PAQR4: variants seen among roughly 807,000 people sequenced by gnomAD.
PAQR4 encodes progestin and adipoQ receptor family member 4, also known as progestin and adipoQ receptor family member IV.
A neutral mutation model predicts 20.9 loss-of-function variants in PAQR4; 26 were observed. The observed-to-expected ratio is 1.24, with a 90% confidence interval of 0.91 to 1.73. The LOEUF (loss-of-function observed/expected upper bound fraction) is 1.73. Among genes scored for constraint, PAQR4 ranks in the 40% most tolerant of loss-of-function variants. PAQR4 has a pLI of 0.00. For synonymous variants in PAQR4, 193 were observed against 171.6 expected (o/e 1.12, Z -0.97); for missense variants, 400 against 380.1 (o/e 1.05, Z -0.44).
In PAQR4 at chr16:2,972,953, T is replaced by C; in HGVS notation, c.*1005T>C. The C allele has an allele frequency of 6.2e-7, 1 of 1,602,088 alleles. No individual in the cohort carries two copies. The highest frequency in any genetic ancestry group is 8.5e-7 in the Non-Finnish European group (1 of 1,174,856). On this transcript the variant is annotated 3_prime_UTR_variant, in exon 3 of 3. Coordinates refer to ENST00000318782, the MANE Select transcript of PAQR4 (RefSeq NM_152341.5). ...AAAGTGCAGAGGCAGAGTCTGGGGC[T>C]CAGGTTGGGTCTAGGGTGTCCTCAA...
Position 2,971,870 on chromosome 16 carries a change from G to A in PAQR4, c.744G>A (p.Val248=). ...ACCAGATCATGCACCTGCTGAGCGT[G>A]GGCTCCATCCTGCAGCTGCACGCCG... ...NSHQIMHLLS[V]GSILQLHAGV... is the part of the protein sequence containing the mutation. The change falls in exon 3 of 3, where the codon GTG becomes GTA. Residue 248 remains valine, a synonymous_variant. Coordinates refer to ENST00000318782, the MANE Select transcript of PAQR4 (RefSeq NM_152341.5). The A allele has an allele frequency of 6.2e-7, 1 of 1,611,680 alleles. No homozygotes were observed. Among genetic ancestry groups the A allele is most frequent in the Non-Finnish European group, 8.5e-7 (1 of 1,179,876 alleles).
Position 2,972,428 on chromosome 16 carries a change from CCA to C in PAQR4, c.*481_*482del. On this transcript the variant is annotated 3_prime_UTR_variant, in exon 3 of 3. Transcript: ENST00000318782. ...GCTTGCCCGCCCTGGCTCCCTCTGC[CCA>C]GAGACTATGGAGTAAGGCATTCAGG... 1.6e-6 allele frequency: 1 copy of C among 611,590 alleles called. No individual in the cohort carries two copies. 37.9% of individuals were successfully genotyped at this position (611,590 alleles called of 1,614,324 possible). A position where few individuals can be genotyped will look rare whatever the true frequency, so the allele number is the denominator to read the frequency against.
chr16:2,969,738 A>T lies in PAQR4; in HGVS notation c.64A>T (p.Asn22Tyr), dbSNP rs756053522. Residue 22 changes from asparagine (N) to tyrosine (Y), a missense_variant, in exon 1 of 3, where the codon AAT (asparagine) becomes TAT (tyrosine). By Grantham distance (143) the Asn-to-Tyr change is moderately radical. Coordinates refer to ENST00000318782, the MANE Select transcript of PAQR4 (RefSeq NM_152341.5). ...WASSPPHLQF[N>Y]KFVLTGYRPA... ...CAGCTCGCCGCCGCACCTGCAGTTC[A>T]ATAAGTTCGTGCTGACCGGGTACCG... The T allele has an allele frequency of 1.2e-6, 2 of 1,609,610 alleles. No homozygotes were observed. Among genetic ancestry groups the T allele is most frequent in the Admixed American group, 3.3e-5 (2 of 59,862 alleles).
At position 2,973,275 on chromosome 16, in the gene PAQR4, C is replaced by A; in HGVS notation, c.*1327C>A. 1 of 1,488,560 alleles carries A rather than the reference C, an allele frequency of 6.7e-7. No homozygotes were observed. The highest frequency in any genetic ancestry group is 1.3e-5 in the South Asian group (1 of 74,580). 92.2% of individuals were successfully genotyped at this position (1,488,560 alleles called of 1,614,324 possible). On this transcript the variant is annotated 3_prime_UTR_variant, in exon 3 of 3. Coordinates refer to ENST00000318782, the MANE Select transcript of PAQR4 (RefSeq NM_152341.5). Reference sequence around the variant, plus strand: ...AGGGCTAGGGAGTGCCGGATGAAACCAGCTCTGTCCCTGTGCAGGCTCCAG... The same window carrying A: ...AGGGCTAGGGAGTGCCGGATGAAACAAGCTCTGTCCCTGTGCAGGCTCCAG...
At chr16:2,970,192 A>T (rs1486946403) in intron 1 of PAQR4, 1 of 237,718 alleles carries the variant, frequency 4.2e-6, no homozygotes, top group African/African-American at 2.4e-5. Flanking sequence ...GACTGCGATG[A>T]GGAGGGCCCG....
In PAQR4 at chr16:2,971,394, A is replaced by G. The variant is rs1596441725; in HGVS notation, c.388+16A>G. 3.7e-6 allele frequency: 6 copies of G among 1,603,356 alleles called. No homozygotes were observed. The highest frequency in any genetic ancestry group is 5.1e-6 in the Non-Finnish European group (6 of 1,178,228). Reference sequence around the variant, plus strand: ...AACACCCTTGGTGAGTCAGGGCCCAAGGGATGGGAGCTGGAGCCACCGGCG... The same window carrying G: ...AACACCCTTGGTGAGTCAGGGCCCAGGGGATGGGAGCTGGAGCCACCGGCG... On this transcript the variant is annotated intron_variant, in intron 2 of 2. Coordinates refer to ENST00000318782, the MANE Select transcript of PAQR4 (RefSeq NM_152341.5).
Position 2,973,197 on chromosome 16 carries a change from C to G in PAQR4, c.*1249C>G. ...TCCCCACAGTCCGGGCCAGGACAGC[C>G]TCAGGGGAGAGTGAAGGCCTGCAGG... On this transcript the variant is annotated 3_prime_UTR_variant, in exon 3 of 3. Coordinates refer to ENST00000318782, the MANE Select transcript of PAQR4 (RefSeq NM_152341.5). The G allele has an allele frequency of 6.6e-7, 1 of 1,514,944 alleles. No homozygotes were observed. Among genetic ancestry groups the G allele is most frequent in the Non-Finnish European group, 8.9e-7 (1 of 1,128,098 alleles). 93.8% of individuals were successfully genotyped at this position (1,514,944 alleles called of 1,614,324 possible). A position where few individuals can be genotyped will look rare whatever the true frequency, so the allele number is the denominator to read the frequency against.
intron 1 of PAQR4, chr16:2,970,156 C>T: frequency 3.2e-6 from 1 of 309,504 alleles, no homozygotes; most frequent in Admixed American, 5.2e-5. Flanking sequence ...CCCCCTCCCG[C>T]CAGCACCCAG....
chr16:2,969,879 C>A (rs2071933071), intron 1 of PAQR4, 39 bp downstream of exon 1: 1 of 1,603,806 alleles, frequency 6.2e-7, no homozygotes, highest in African/African-American at 1.4e-5. Context: ...ACACCCCCGG[C>A]CGCCCTACCT....
chr16:2,969,535 C>A lies in PAQR4; in HGVS notation c.-140C>A. 1.0e-6 allele frequency: 1 copy of A among 971,402 alleles called. No individual in the cohort carries two copies. Among genetic ancestry groups the A allele is most frequent in the Non-Finnish European group, 1.4e-6 (1 of 730,772 alleles). 60.2% of individuals were successfully genotyped at this position (971,402 alleles called of 1,614,324 possible). On this transcript the variant is annotated 5_prime_UTR_variant, in exon 1 of 3. Coordinates refer to ENST00000318782, the MANE Select transcript of PAQR4 (RefSeq NM_152341.5). ...GCGGGCTGGGACCCCCTAGCCAGCG[C>A]GTGCGCCGATCGAGCGCAGGGCGAT... is the stretch of plus-strand genomic sequence containing the variant.
At position 2,972,512 on chromosome 16, in the gene PAQR4, G is replaced by T; in HGVS notation, c.*564G>T. On this transcript the variant is annotated 3_prime_UTR_variant, in exon 3 of 3. Coordinates refer to ENST00000318782, the MANE Select transcript of PAQR4 (RefSeq NM_152341.5). ...TGTACCAGCTGGCCACAGGCACAAG[G>T]GCTGCAGCTGCTTCTTCCAGGAAAC... 1 of 1,141,156 alleles carries T rather than the reference G, an allele frequency of 8.8e-7. No homozygotes were observed. Among genetic ancestry groups the T allele is most frequent in the Non-Finnish European group, 1.2e-6 (1 of 818,916 alleles). 70.7% of individuals were successfully genotyped at this position (1,141,156 alleles called of 1,614,324 possible). A position where few individuals can be genotyped will look rare whatever the true frequency, so the allele number is the denominator to read the frequency against.
chr16:2,969,952 G>A, intron 1 of PAQR4, 112 bp downstream of exon 1: 3 of 1,373,000 alleles, frequency 2.2e-6, no homozygotes, highest in Non-Finnish European at 2.0e-6. Context: ...GGCTGCCCCG[G>A]CCCTGGCACC....
In PAQR4 at chr16:2,969,815, C is replaced by T. The variant is rs750459321; in HGVS notation, c.141C>T (p.Asn47=). 2.5e-6 allele frequency: 4 copies of T among 1,610,806 alleles called. No individual in the cohort carries two copies. The African/African-American group carries it at 4.0e-5, about 16-fold the overall frequency. Residue 47 remains asparagine, a synonymous_variant, in exon 1 of 3, where the codon AAC becomes AAT. Transcript: ENST00000318782. ...GCLRSLFYLH[N]ELGNIYTHGL... ...TGCGCAGCCTCTTCTACCTGCACAA[C>T]GAACTGGGCAACATCTACACGCACG...
chr16:2,973,417 C>A lies in PAQR4; in HGVS notation c.*1469C>A. On this transcript the variant is annotated 3_prime_UTR_variant, in exon 3 of 3. Transcript: ENST00000318782. ...CCTTCCATCTGGCTGCACTCCAAGG[C>A]CCCCTCTGTCCTTTTCAGAACACAT... 3 of 1,533,538 alleles carry A rather than the reference C, an allele frequency of 2.0e-6. No individual in the cohort carries two copies. Among genetic ancestry groups the A allele is most frequent in the Non-Finnish European group, 2.6e-6 (3 of 1,144,892 alleles). The allele number at this position is 1,533,538 out of a possible 1,614,324, so 95.0% of individuals were successfully genotyped here.
rs893142804 is a variant in PAQR4 at position 2,970,982 on chromosome 16, A to G, written c.167-175A>G. 1.4e-4 allele frequency: 91 copies of G among 630,570 alleles called. No homozygotes were observed. In the Admixed American group the frequency reaches 2.4e-3, roughly 17 times the overall value. The allele number at this position is 630,570 out of a possible 1,614,324, so 39.1% of individuals were successfully genotyped here. On this transcript the variant is annotated intron_variant, in intron 1 of 2. Transcript: ENST00000318782. ...TCCCAGACCATCCTGAGCCATGATA[A>G]GTAACCAGTGCCAAAAGCCTTTTGC... is the stretch of plus-strand genomic sequence containing the variant.
Position 2,971,310 on chromosome 16 carries a change from G to A in PAQR4, c.320G>A (p.Gly107Glu). Residue 107 changes from glycine (G) to glutamate (E), a missense_variant, in exon 2 of 3, where the codon GGG becomes GAG. Gly to Glu is a moderately conservative substitution (Grantham distance 98). Coordinates refer to ENST00000318782, the MANE Select transcript of PAQR4 (RefSeq NM_152341.5). ...VLYHLFMCHQGGSAVYARLLA... is the reference protein window; with the variant it reads ...VLYHLFMCHQEGSAVYARLLA... ...TATCACCTCTTTATGTGCCACCAAG[G>A]GGGCAGCGCTGTGTACGCCCGGCTC... 6.2e-7 allele frequency: 1 copy of A among 1,612,626 alleles called. No individual in the cohort carries two copies. The highest frequency in any genetic ancestry group is 8.5e-7 in the Non-Finnish European group (1 of 1,180,018).
At chr16:2,970,000 GC>G (rs1234475454) in intron 1 of PAQR4, 160 bp downstream of exon 1, 2 of 999,348 alleles carry the variant, frequency 2.0e-6, no homozygotes, top group Non-Finnish European at 2.9e-6. Context: ...ATTGTCCCGG[GC>G]CGCGCTGCCA....
chr16:2,973,148 A>G lies in PAQR4; in HGVS notation c.*1200A>G, dbSNP rs747047762. ...CCTGGACCTGCTTACCTGGGTGTGC[A>G]CCTGCTCCGGGGGGTGGAGGTGCTC... is the stretch of plus-strand genomic sequence containing the variant. On this transcript the variant is annotated 3_prime_UTR_variant, in exon 3 of 3. Transcript: ENST00000318782. The G allele has an allele frequency of 6.5e-7, 1 of 1,546,718 alleles. No individual in the cohort carries two copies.
chr16:2,969,737 C>T lies in PAQR4; in HGVS notation c.63C>T (p.Phe21=), dbSNP rs1331318267. 1 of 1,609,590 alleles carries T rather than the reference C, an allele frequency of 6.2e-7. No individual in the cohort carries two copies. The highest frequency in any genetic ancestry group is 1.3e-5 in the African/African-American group (1 of 74,524). The change falls in exon 1 of 3, where the codon TTC becomes TTT. Residue 21 remains phenylalanine (F), a synonymous_variant. Transcript: ENST00000318782. ...CCAGCTCGCCGCCGCACCTGCAGTT[C>T]AATAAGTTCGTGCTGACCGGGTACC... ...DWASSPPHLQ[F]NKFVLTGYRP...
Sources: allele counts gnomAD v4.1 joint callset, GRCh38; gene constraint gnomAD v4.1.1; transcripts MANE v1.5; gene names NCBI Gene and HGNC (gene_info 2026-07-23, HGNC 2026-07-21).